The following PHACTR3 variants were observed in gnomAD, a reference collection of about 807,000 sequenced individuals.
PHACTR3 encodes phosphatase and actin regulator 3.
PHACTR3 carries 16 observed loss-of-function variants against 66.8 expected under a neutral mutation model. The observed-to-expected ratio is 0.24, with a 90% CI of 0.16 to 0.36. The LOEUF (loss-of-function observed/expected upper bound fraction) is 0.36. PHACTR3 is among the 10% of genes least tolerant of loss of function. The pLI is 1.00. For synonymous variants in PHACTR3, 323 were observed against 292.1 expected (o/e 1.11, Z -1.08); for missense variants, 647 against 719.9 (o/e 0.90, Z 1.16).
intron 4 of PHACTR3, among the ~76,000 whole-genome samples, chr20:59,765,454 T>C (rs2040149807): frequency 1.3e-5 from 2 of 152,140 alleles, no homozygotes; most frequent in South Asian, 4.1e-4. Context: ...GTATGTGTTG[T>C]TGAGGGAGAA....
intron 1 of PHACTR3, among the ~76,000 whole-genome samples, chr20:59,737,984 C>A (rs530339934): frequency 6.6e-6 from 1 of 152,222 alleles, no homozygotes; most frequent in South Asian, 2.1e-4. Context: ...CCTGCTCCAG[C>A]CACTAGGGCA....
rs559460171 is a variant in PHACTR3, at chr20:59,820,128, G to T, written c.1328+13934G>T. ...AGATGCACCTTCCTGAGCTCTTGGC[G>T]TGGCACCACCTCCTGCTTCACCACT... On this transcript the variant is annotated intron_variant, in intron 8 of 12. Transcript: ENST00000371015. The surrounding 1 kb of genome is among the most constrained non-coding windows in gnomAD (Gnocchi z 4.6). 6.6e-6 allele frequency among the ~76,000 whole-genome samples: 1 copy of T among 152,166 alleles called. No individual in the cohort carries two copies. Among genetic ancestry groups the T allele is most frequent in the Non-Finnish European group, 1.5e-5 (1 of 68,026 alleles).
chr20:59,752,744 G>A (rs2039644608), intron 3 of PHACTR3, among the ~76,000 whole-genome samples: 1 of 152,194 alleles, frequency 6.6e-6, no homozygotes, highest in Admixed American at 6.5e-5. Context: ...ATTATTAACA[G>A]CAGTGACAGT....
chr20:59,819,776 G>A (rs541569966), intron 8 of PHACTR3, among the ~76,000 whole-genome samples: 7 of 151,286 alleles, frequency 4.6e-5, no homozygotes, highest in African/African-American at 7.3e-5. Context: ...CTGGCCACCC[G>A]TCAGCTGAGG....
chr20:59,779,018 T>C (rs938469318), intron 7 of PHACTR3, among the ~76,000 whole-genome samples: 3 of 152,196 alleles, frequency 2.0e-5, no homozygotes, highest in African/African-American at 7.2e-5. Flanking sequence ...AAGCCCTGGG[T>C]GAGGCCCCCT....
At chr20:59,621,950 G>T (rs749641455) in intron 1 of PHACTR3, among the ~76,000 whole-genome samples, 8 of 152,312 alleles carry the variant, frequency 5.3e-5, no homozygotes, top group Non-Finnish European at 4.4e-5. Context: ...GATCTTTTAA[G>T]GTCAACTTTG....
chr20:59,608,368 C>T (rs2033735213), intron 1 of PHACTR3, among the ~76,000 whole-genome samples: 1 of 152,126 alleles, frequency 6.6e-6, no homozygotes, highest in Non-Finnish European at 1.5e-5. Flanking sequence ...TATAAATCCG[C>T]ACTCTACACC....
At chr20:59,729,685 C>T (rs1010848762) in intron 1 of PHACTR3, among the ~76,000 whole-genome samples, 3 of 152,096 alleles carry the variant, frequency 2.0e-5, no homozygotes, top group South Asian at 2.1e-4. Flanking sequence ...CAGCTGCTCC[C>T]GGAAAGCCCG....
Position 59,743,123 on chromosome 20 carries a change from G to A in PHACTR3, c.135G>A (p.Thr45=), listed in dbSNP as rs780703888. 8.7e-6 allele frequency: 14 copies of A among 1,613,218 alleles called. No individual in the cohort carries two copies. Among genetic ancestry groups the A allele is most frequent in the African/African-American group, 4.0e-5 (3 of 74,876 alleles). The change falls in exon 2 of 13, where the codon ACG becomes ACA. Residue 45 remains threonine, a synonymous_variant. Coordinates refer to ENST00000371015, the MANE Select transcript of PHACTR3 (RefSeq NM_080672.5). ...GTCTTCCAGATGAGATGGACCAAACGCCCCCGGCGCGTCCTGAATATCTGG... is the reference window on the plus strand; with the variant it reads ...GTCTTCCAGATGAGATGGACCAAACACCCCCGGCGCGTCCTGAATATCTGG... ...AGENPDEMDQ[T]PPARPEYLVS...
At chr20:59,645,460 G>A (rs927555192) in intron 1 of PHACTR3, among the ~76,000 whole-genome samples, 3 of 152,010 alleles carry the variant, frequency 2.0e-5, no homozygotes, top group African/African-American at 4.8e-5. Flanking sequence ...AGCCTGTGGC[G>A]CCTTTCTCGT....
At chr20:59,696,706 G>T (rs1352579121) in intron 1 of PHACTR3, among the ~76,000 whole-genome samples, 3 of 152,154 alleles carry the variant, frequency 2.0e-5, no homozygotes, top group African/African-American at 7.2e-5. Context: ...CTGGGCAGCT[G>T]CCCATGGAGA....
chr20:59,800,103 C>T (rs1258874279), intron 7 of PHACTR3, among the ~76,000 whole-genome samples: 1 of 152,180 alleles, frequency 6.6e-6, no homozygotes, highest in African/African-American at 2.4e-5. Context: ...TCTCCTTTCC[C>T]AACATTTGTT....
At chr20:59,807,126 CT>C (rs1193953517) in intron 8 of PHACTR3, among the ~76,000 whole-genome samples, 10 of 151,750 alleles carry the variant, frequency 6.6e-5, no homozygotes, top group Non-Finnish European at 1.0e-4. Context: ...TTTACATAAA[CT>C]TTTTTTTTCT....
upstream of PHACTR3, chr20:59,603,804 T>A (rs2033555491): frequency 6.6e-6 from 1 of 152,188 alleles, no homozygotes; most frequent in Non-Finnish European, 1.5e-5. Context: ...GACACCACCA[T>A]TCCACCCCCG....
At chr20:59,748,732 G>A (rs1330543838) in intron 3 of PHACTR3, among the ~76,000 whole-genome samples, 1 of 152,068 alleles carries the variant, frequency 6.6e-6, no homozygotes, top group Non-Finnish European at 1.5e-5. Context: ...ACCAAGCTCT[G>A]GCCTGCTGAT....
At chr20:59,697,098 C>T (rs1399277791) in intron 1 of PHACTR3, among the ~76,000 whole-genome samples, 1 of 152,104 alleles carries the variant, frequency 6.6e-6, no homozygotes, top group African/African-American at 2.4e-5. Flanking sequence ...TTTAATTCTC[C>T]CTAGGACTCT....
intron 1 of PHACTR3, among the ~76,000 whole-genome samples, chr20:59,581,712 TC>T (rs1415700427): frequency 7.1e-6 from 1 of 140,668 alleles, no homozygotes; most frequent in Non-Finnish European, 1.5e-5. Context: ...AAATCCCGTC[TC>T]TACTAAAAAT....
intron 1 of PHACTR3, among the ~76,000 whole-genome samples, chr20:59,666,465 G>A (rs990653583): frequency 2.6e-5 from 4 of 152,226 alleles, no homozygotes; most frequent in African/African-American, 9.7e-5. Flanking sequence ...CAGCTGAGCT[G>A]TGGGCACATT....
chr20:59,633,384 A>C (rs1263893987), intron 1 of PHACTR3, among the ~76,000 whole-genome samples: 1 of 152,200 alleles, frequency 6.6e-6, no homozygotes, highest in African/African-American at 2.4e-5. Flanking sequence ...CATCATCCTC[A>C]GCAAACTAAC....
Sources: allele counts gnomAD v4.1 joint callset (sites outside exome capture counted in the v4.1 genomes callset), GRCh38; gene constraint gnomAD v4.1.1; non-coding constraint Gnocchi (gnomAD v3.1); transcripts MANE v1.5; gene names NCBI Gene and HGNC (gene_info 2026-07-23, HGNC 2026-07-21).